Variants in ANO3 observed in about 807,000 individuals in gnomAD.
The protein encoded by ANO3 is anoctamin-3.
A neutral mutation model predicts 144.8 loss-of-function variants in ANO3; 99 were observed. That is an observed-to-expected ratio of 0.68 (90% CI 0.58 to 0.81). ANO3 has a LOEUF of 0.81. Ranked by LOEUF, ANO3 falls within the 30% of genes least tolerant of loss-of-function variation. The probability of loss-of-function intolerance (pLI) is 0.00; values close to 1 mark genes in which losing one functional copy is unlikely to be tolerated. For synonymous variants in ANO3, 414 were observed against 392.6 expected, an observed-to-expected ratio of 1.05 and a Z score of -0.64; for missense variants, 905 against 1,202.2, an observed-to-expected ratio of 0.75 and a Z score of 3.66.
intron 8 of ANO3, among the ~76,000 whole-genome samples, chr11:26,532,906 G>A (rs570763105): frequency 6.6e-6 from 1 of 152,146 alleles, no homozygotes; most frequent in South Asian, 2.1e-4. Flanking sequence ...TTATGCATCA[G>A]CTATTTCATC....
chr11:26,320,480 C>T (rs1854732019), intron 1 of ANO3, among the ~76,000 whole-genome samples: 1 of 152,166 alleles, frequency 6.6e-6, no homozygotes, highest in South Asian at 2.1e-4. Flanking sequence ...TTAAAAACTT[C>T]TGTTAAATGA....
chr11:26,259,387 C>G (rs557208397), intron 1 of ANO3, among the ~76,000 whole-genome samples: 2 of 152,050 alleles, frequency 1.3e-5, no homozygotes, highest in African/African-American at 4.8e-5. Flanking sequence ...TGGTGGCTCA[C>G]GCCTATAATT....
At chr11:26,463,278 G>T in intron 4 of ANO3, 130 bp downstream of exon 4, 1 of 468,156 alleles carries the variant, frequency 2.1e-6, no homozygotes. Context: ...GTACTATTAA[G>T]AACTCAGAAG....
At chr11:26,366,360 T>A (rs1255702925) in intron 1 of ANO3, among the ~76,000 whole-genome samples, 2 of 152,204 alleles carry the variant, frequency 1.3e-5, no homozygotes, top group East Asian at 3.9e-4. Flanking sequence ...TTCCATGGTG[T>A]ATATGTGCCA....
At chr11:26,353,992 T>C (rs1176715257) in intron 1 of ANO3, among the ~76,000 whole-genome samples, 1 of 152,244 alleles carries the variant, frequency 6.6e-6, no homozygotes, top group Non-Finnish European at 1.5e-5. Context: ...AATTTTTATA[T>C]TACTTTTGAA....
At chr11:26,561,783 T>A (rs1220605817) in intron 14 of ANO3, among the ~76,000 whole-genome samples, 1 of 152,018 alleles carries the variant, frequency 6.6e-6, no homozygotes, top group African/African-American at 2.4e-5. Flanking sequence ...TGTGGAAATT[T>A]AGTTTTCTTT....
chr11:26,605,143 G>A (rs190002503), intron 17 of ANO3, among the ~76,000 whole-genome samples: 22 of 152,132 alleles, frequency 1.4e-4, no homozygotes, highest in African/African-American at 4.3e-4. Flanking sequence ...GAATTTTATC[G>A]AAGGCCTTTT....
At chr11:26,266,624 A>T (rs1384059784) in intron 1 of ANO3, among the ~76,000 whole-genome samples, 1 of 151,584 alleles carries the variant, frequency 6.6e-6, no homozygotes, top group Non-Finnish European at 1.5e-5. Context: ...TAGTAGAGAC[A>T]GGAGTTGACC....
At chr11:26,562,279 A>T (rs1850324505) in intron 14 of ANO3, among the ~76,000 whole-genome samples, 1 of 151,950 alleles carries the variant, frequency 6.6e-6, no homozygotes, top group Non-Finnish European at 1.5e-5. Context: ...TAATTTACAG[A>T]TTTGGTTCTG....
chr11:26,381,518 T>G (rs1178772918), intron 1 of ANO3, among the ~76,000 whole-genome samples: 1 of 152,180 alleles, frequency 6.6e-6, no homozygotes, highest in African/African-American at 2.4e-5. Flanking sequence ...TTATGCAAAA[T>G]TATTCATGTA....
chr11:26,466,940 T>C (rs1443508358), intron 4 of ANO3, among the ~76,000 whole-genome samples: 1 of 152,020 alleles, frequency 6.6e-6, no homozygotes, highest in African/African-American at 2.4e-5. Flanking sequence ...CATTTAATTC[T>C]ATGGAGCCCA....
chr11:26,294,957 G>A (rs1212331514), intron 1 of ANO3, among the ~76,000 whole-genome samples: 2 of 151,908 alleles, frequency 1.3e-5, no homozygotes, highest in Non-Finnish European at 2.9e-5. Context: ...GGAGTGCAGT[G>A]GCATGATCTC....
At chr11:26,615,179 T>C (rs1464191371) in intron 17 of ANO3, among the ~76,000 whole-genome samples, 1 of 133,406 alleles carries the variant, frequency 7.5e-6, no homozygotes, top group Non-Finnish European at 1.7e-5. Context: ...CTTTTCTGTT[T>C]TTGTTTTTTT....
At chr11:26,189,756 T>C (rs1425903014) in intron 1 of ANO3, among the ~76,000 whole-genome samples, 1 of 152,164 alleles carries the variant, frequency 6.6e-6, no homozygotes, top group Admixed American at 6.5e-5. Flanking sequence ...GATAATATAT[T>C]ATTTATGTTC....
intron 4 of ANO3, among the ~76,000 whole-genome samples, chr11:26,503,437 A>G (rs976382719): frequency 2.0e-5 from 3 of 152,168 alleles, no homozygotes; most frequent in Non-Finnish European, 4.4e-5. Flanking sequence ...GTTAATTAAC[A>G]TATTTGTGAA....
chr11:26,566,019 T>G (rs1850567456), intron 14 of ANO3: 2 of 1,053,786 alleles, frequency 1.9e-6, no homozygotes, highest in East Asian at 2.8e-5. Flanking sequence ...ATCATATTTT[T>G]ATTCCAAAAT....
At chr11:26,325,398 T>C (rs969351640) in intron 1 of ANO3, among the ~76,000 whole-genome samples, 1 of 152,178 alleles carries the variant, frequency 6.6e-6, no homozygotes, top group African/African-American at 2.4e-5. Context: ...AGAATAATTT[T>C]ATTTGATATA....
chr11:26,315,266 T>C (rs1854595498), intron 1 of ANO3, among the ~76,000 whole-genome samples: 1 of 152,166 alleles, frequency 6.6e-6, no homozygotes, highest in Admixed American at 6.6e-5. Flanking sequence ...TCAGAGTCCA[T>C]CCTCTTTTTC....
chr11:26,424,295 GT>G (rs141425934), intron 1 of ANO3, among the ~76,000 whole-genome samples: 26,479 of 149,260 alleles, frequency 0.18, 3,859 homozygotes, highest in African/African-American at 0.41. Flanking sequence ...CTATATGTCA[GT>G]TTTTTTTTCA....
Sources: gnomAD v4.1 joint callset for allele counts (sites outside exome capture counted in the v4.1 genomes callset) on GRCh38, gnomAD v4.1.1 for gene constraint, MANE v1.5 for transcripts, NCBI Gene and HGNC (gene_info 2026-07-23, HGNC 2026-07-21) for gene names.